The following PEX5L variants were observed in gnomAD, a reference collection of about 807,000 sequenced individuals.
PEX5L encodes PEX5-related protein.
PEX5L carries 30 observed loss-of-function variants against 84.0 expected under a neutral mutation model. The ratio of observed to expected loss-of-function variants is 0.36; its 90% CI spans 0.27 to 0.48. The LOEUF (loss-of-function observed/expected upper bound fraction) is 0.48. Among genes scored for constraint, PEX5L ranks in the 20% least tolerant of loss-of-function variants. The probability of loss-of-function intolerance (pLI) is 0.99; values close to 1 mark genes in which losing one functional copy is unlikely to be tolerated. For missense variants in PEX5L, 533 were observed against 754.6 expected, an observed-to-expected ratio of 0.71 and a Z score of 3.44; for synonymous variants, 270 against 283.1, an observed-to-expected ratio of 0.95 and a Z score of 0.46.
chr3:179,927,931 T>C (rs961965553), intron 2 of PEX5L, among the ~76,000 whole-genome samples: 4 of 152,240 alleles, frequency 2.6e-5, no homozygotes, highest in African/African-American at 9.6e-5. Flanking sequence ...ATCATTTCAA[T>C]ATGTGATCAT....
At chr3:179,848,647 G>A (rs1740602063) in intron 8 of PEX5L, among the ~76,000 whole-genome samples, 1 of 152,028 alleles carries the variant, frequency 6.6e-6, no homozygotes, top group South Asian at 2.1e-4. Flanking sequence ...AAAGAGTGAT[G>A]GTTTCTAATA....
intron 9 of PEX5L, among the ~76,000 whole-genome samples, chr3:179,817,740 A>G (rs1023870600): frequency 1.3e-5 from 2 of 152,248 alleles, no homozygotes; most frequent in Admixed American, 1.3e-4. Flanking sequence ...GTTTAAGAGT[A>G]GATCAAGTGG....
chr3:179,830,913 C>T (rs1732608658), intron 8 of PEX5L, among the ~76,000 whole-genome samples: 1 of 152,188 alleles, frequency 6.6e-6, no homozygotes, highest in East Asian at 1.9e-4. Flanking sequence ...TTTTCAGTCA[C>T]TTGCCTGTAT....
chr3:179,986,120 GATA>G (rs1786788885), intron 1 of PEX5L, among the ~76,000 whole-genome samples: 5 of 151,310 alleles, frequency 3.3e-5, no homozygotes, highest in Admixed American at 3.3e-4. Context: ...AGATAATAAT[GATA>G]ATAATAACTG....
chr3:179,940,248 A>C lies in PEX5L; in HGVS notation c.93+31346T>G, dbSNP rs747194647. Among the ~76,000 whole-genome samples the C allele has an allele frequency of 4.2e-4, 64 of 152,146 alleles. 1 individual carries two copies. The highest frequency in any genetic ancestry group is 8.1e-4 in the Non-Finnish European group (55 of 68,000). ...ATGAGGAAGGGGTGGATGAGAATGA[A>C]GCTTGGAGGAGAGGAATGGGTAAAG... On this transcript the variant is annotated intron_variant, in intron 2 of 14. Transcript: ENST00000467460.
rs143786724 is a variant in PEX5L, at chr3:180,002,086, C to G, written c.22-30421G>C. On this transcript the variant is annotated intron_variant, in intron 1 of 14. Coordinates refer to ENST00000467460, the MANE Select transcript of PEX5L (RefSeq NM_016559.3). ...TAGCTCTATTTCATTCTTTTTAATG[C>G]CTGCATGTTATTCTAGGTATGAATG... Among the ~76,000 whole-genome samples, 270 of 152,234 alleles carry G rather than the reference C, an allele frequency of 1.8e-3. 2 individuals carry two copies. Among genetic ancestry groups the G allele is most frequent in the Middle Eastern group, 6.8e-3 (2 of 294 alleles).
intron 2 of PEX5L, among the ~76,000 whole-genome samples, chr3:179,927,040 T>C (rs1357244612): frequency 1.3e-5 from 2 of 152,234 alleles, no homozygotes; most frequent in Non-Finnish European, 2.9e-5. Context: ...GTTTTCTCAG[T>C]TAAAAAATGA....
intron 2 of PEX5L, among the ~76,000 whole-genome samples, chr3:179,947,345 G>A (rs929652655): frequency 2.0e-5 from 3 of 151,716 alleles, no homozygotes; most frequent in South Asian, 2.1e-4. Context: ...AATAATTATC[G>A]TTACCATTAA....
At chr3:179,874,158 C>A (rs1352974434) in intron 7 of PEX5L, among the ~76,000 whole-genome samples, 169 bp downstream of exon 7, 1 of 151,944 alleles carries the variant, frequency 6.6e-6, no homozygotes, top group Non-Finnish European at 1.5e-5. Flanking sequence ...TACACACACA[C>A]CTATATTTCA....
At chr3:179,823,746 T>C (rs1729355855) in intron 8 of PEX5L, among the ~76,000 whole-genome samples, 1 of 152,208 alleles carries the variant, frequency 6.6e-6, no homozygotes, top group African/African-American at 2.4e-5. Context: ...GTGCTTGAAT[T>C]TGAGCAAGTC....
At chr3:179,974,059 C>T in intron 1 of PEX5L, 1 of 985,600 alleles carries the variant, frequency 1.0e-6, no homozygotes, top group African/African-American at 1.7e-5. Flanking sequence ...AAGCACTCAG[C>T]TTCCCACTTT....
At chr3:179,909,597 T>C (rs913864413) in intron 2 of PEX5L, among the ~76,000 whole-genome samples, 102 of 152,204 alleles carry the variant, frequency 6.7e-4, no homozygotes, top group African/African-American at 2.4e-3. Context: ...GATTAATAAC[T>C]GTCAGGAGCT....
At chr3:179,938,117 T>C (rs958726354) in intron 2 of PEX5L, among the ~76,000 whole-genome samples, 3 of 152,090 alleles carry the variant, frequency 2.0e-5, no homozygotes, top group African/African-American at 7.2e-5. Context: ...TGGATTCTGA[T>C]GAGGTAAACA....
rs1195940132 is a variant in PEX5L at position 179,889,599 on chromosome 3, T to C, written c.199-1815A>G. Reference sequence around the variant, plus strand: ...TATTGTAAGCTTTGGTATTACTATGTATAAAACCTCGCAGATTTTGCTAGG... The same window carrying C: ...TATTGTAAGCTTTGGTATTACTATGCATAAAACCTCGCAGATTTTGCTAGG... On this transcript the variant is annotated intron_variant, in intron 3 of 14. Transcript: ENST00000467460. Among the ~76,000 whole-genome samples the C allele has an allele frequency of 2.6e-5, 4 of 152,216 alleles. No individual in the cohort carries two copies. The East Asian group carries it at 7.7e-4, about 29-fold the overall frequency.
At chr3:179,828,792 C>T (rs1416887667) in intron 8 of PEX5L, among the ~76,000 whole-genome samples, 5 of 151,976 alleles carry the variant, frequency 3.3e-5, no homozygotes, top group African/African-American at 7.3e-5. Flanking sequence ...GTGTATCCTG[C>T]GACCAGCTTT....
In PEX5L at chr3:179,844,165, G is replaced by A. The variant is rs140882988; in HGVS notation, c.822+14897C>T. 1.2e-4 allele frequency among the ~76,000 whole-genome samples: 19 copies of A among 152,284 alleles called. No homozygotes were observed. The East Asian group carries it at 2.7e-3, about 22-fold the overall frequency. On this transcript the variant is annotated intron_variant, in intron 8 of 14. Coordinates refer to ENST00000467460, the MANE Select transcript of PEX5L (RefSeq NM_016559.3). ...CAGTGGTCTGTATATATTTGAGTGC[G>A]TGTGTGCATGTGTGTGTGTTCTCAC...
intron 8 of PEX5L, among the ~76,000 whole-genome samples, chr3:179,848,565 A>AAAG (rs1740559096): frequency 6.6e-6 from 1 of 151,790 alleles, no homozygotes; most frequent in African/African-American, 2.4e-5. Context: ...AAAAAAAAAA[A>AAAG]AAAAGAAAAG....
chr3:179,935,674 G>A (rs534791319), intron 2 of PEX5L, among the ~76,000 whole-genome samples: 1 of 152,238 alleles, frequency 6.6e-6, no homozygotes, highest in South Asian at 2.1e-4. Context: ...TGCATGGTTT[G>A]AGTGTCCCCA....
At chr3:179,819,714 A>G in intron 9 of PEX5L, 146 bp downstream of exon 9, 1 of 735,682 alleles carries the variant, frequency 1.4e-6, no homozygotes, top group Non-Finnish European at 2.3e-6. Context: ...GTCTCATTCT[A>G]TCAGAATTTC....
Sources: gnomAD v4.1 joint callset for allele counts (sites outside exome capture counted in the v4.1 genomes callset) on GRCh38, gnomAD v4.1.1 for gene constraint, MANE v1.5 for transcripts, NCBI Gene and HGNC (gene_info 2026-07-23, HGNC 2026-07-21) for gene names.